Variants in FSTL5 observed in about 807,000 individuals in gnomAD.
FSTL5 encodes the protein follistatin like 5.
A neutral mutation model predicts 89.1 loss-of-function variants in FSTL5; 62 were observed. The observed-to-expected ratio is 0.70, with a 90% confidence interval of 0.57 to 0.86. The LOEUF is 0.86. Ranked by LOEUF, FSTL5 falls within the 40% of genes least tolerant of loss-of-function variation. The pLI is 0.00. For synonymous variants in FSTL5, 383 were observed against 346.2 expected, an observed-to-expected ratio of 1.11 and a Z score of -1.18; for missense variants, 1,057 against 1,001.6, an observed-to-expected ratio of 1.06 and a Z score of -0.75.
intron 3 of FSTL5, among the ~76,000 whole-genome samples, chr4:161,990,929 A>G (rs17041860): frequency 0.51 from 76,663 of 151,764 alleles, 19,452 homozygotes; most frequent in Middle Eastern, 0.6. Context: ...TGCTGTCTCC[A>G]CTCACCTGAA....
rs1454174499 is a variant in FSTL5, at chr4:161,752,270, TAGATG to T, written c.727+7136_727+7140del. Among the ~76,000 whole-genome samples, 76 of 151,616 alleles carry T rather than the reference TAGATG, an allele frequency of 5.0e-4. 2 individuals carry two copies. The highest frequency in any genetic ancestry group is 3.4e-3 in the Middle Eastern group (1 of 294). On this transcript the variant is annotated intron_variant, in intron 6 of 15. Transcript: ENST00000306100. ...ATAGATAGATAGATAGATAGATAGA[TAGATG>T]GAATGTTTCCAGCACCATAGATGAC... is the stretch of plus-strand genomic sequence containing the variant.
intron 4 of FSTL5, among the ~76,000 whole-genome samples, chr4:161,834,281 A>G (rs1197652428): frequency 6.6e-6 from 1 of 152,198 alleles, no homozygotes; most frequent in Non-Finnish European, 1.5e-5. Flanking sequence ...TCAATAAATT[A>G]GGTATTGATG....
intron 3 of FSTL5, among the ~76,000 whole-genome samples, chr4:161,969,388 A>G (rs1027899560): frequency 6.6e-6 from 1 of 152,206 alleles, no homozygotes; most frequent in Admixed American, 6.5e-5. Flanking sequence ...AAATTAAGAC[A>G]ATATAGGCGA....
intron 2 of FSTL5, among the ~76,000 whole-genome samples, chr4:162,080,384 G>A (rs1361619901): frequency 6.6e-6 from 1 of 151,396 alleles, no homozygotes; most frequent in East Asian, 2.0e-4. Context: ...GTTTTAAGAA[G>A]GAGTGTTCCT....
intron 4 of FSTL5, among the ~76,000 whole-genome samples, chr4:161,875,509 A>C (rs907223300): frequency 3.3e-5 from 5 of 152,224 alleles, no homozygotes; most frequent in Admixed American, 3.3e-4. Flanking sequence ...CATGAGATGA[A>C]CGTGAAGTGG....
intron 3 of FSTL5, among the ~76,000 whole-genome samples, chr4:161,927,884 C>A (rs1266090183): frequency 1.3e-5 from 2 of 151,528 alleles, no homozygotes; most frequent in Non-Finnish European, 3.0e-5. Flanking sequence ...ATGTTCACAG[C>A]CAAACTGAAT....
At chr4:161,934,863 C>T (rs185371551) in intron 3 of FSTL5, among the ~76,000 whole-genome samples, 2 of 151,998 alleles carry the variant, frequency 1.3e-5, no homozygotes, top group African/African-American at 2.4e-5. Context: ...TAAAAAACAA[C>T]CAAAGAAGTA....
At chr4:162,145,091 T>C (rs1732921109) in intron 1 of FSTL5, among the ~76,000 whole-genome samples, 1 of 114,198 alleles carries the variant, frequency 8.8e-6, no homozygotes, top group South Asian at 2.6e-4. Flanking sequence ...ATACATACAA[T>C]GAATATGTAA....
intron 1 of FSTL5, among the ~76,000 whole-genome samples, chr4:162,119,038 A>T (rs1223240993): frequency 6.6e-6 from 1 of 152,144 alleles, no homozygotes; most frequent in East Asian, 1.9e-4. Context: ...ACTGGGCAAT[A>T]TAGCAAGACC....
chr4:162,013,598 TG>T (rs1164651402), intron 3 of FSTL5, among the ~76,000 whole-genome samples: 1 of 152,166 alleles, frequency 6.6e-6, no homozygotes, highest in Non-Finnish European at 1.5e-5. Flanking sequence ...GGTCCTTTGT[TG>T]TTGTTCTAAG....
At chr4:161,751,506 G>C (rs1411277350) in intron 6 of FSTL5, among the ~76,000 whole-genome samples, 1 of 152,094 alleles carries the variant, frequency 6.6e-6, no homozygotes, top group Non-Finnish European at 1.5e-5. Flanking sequence ...TTTATAATCA[G>C]CCCTGGCACA....
At chr4:161,397,160 C>A (rs1440871687) in intron 15 of FSTL5, among the ~76,000 whole-genome samples, 1 of 151,930 alleles carries the variant, frequency 6.6e-6, no homozygotes, top group African/African-American at 2.4e-5. Flanking sequence ...TGTTCTAGGT[C>A]AAAAACACAA....
chr4:161,442,008 A>AACCAACTAATTTATAGTT (rs1194835669), intron 15 of FSTL5, among the ~76,000 whole-genome samples: 7 of 152,088 alleles, frequency 4.6e-5, no homozygotes, highest in African/African-American at 1.7e-4. Flanking sequence ...ACTTCAGCTT[A>AACCAACTAATTTATAGTT]ACCAACTAAT....
rs559888862 is a variant in FSTL5, at chr4:161,785,132, T to C, written c.410-9058A>G. On this transcript the variant is annotated intron_variant, in intron 4 of 15. Coordinates refer to ENST00000306100, the MANE Select transcript of FSTL5 (RefSeq NM_020116.5). ...CAATAATAGACTCAACATTCGACTT[T>C]ACGTGAAGATCTGAGGAACTTTTCA... Among the ~76,000 whole-genome samples, 126 of 152,274 alleles carry C rather than the reference T, an allele frequency of 8.3e-4. 3 individuals are homozygous for C. Among genetic ancestry groups the C allele is most frequent in the Middle Eastern group, 3.4e-3 (1 of 294 alleles).
At chr4:162,142,927 A>G (rs369384737) in intron 1 of FSTL5, among the ~76,000 whole-genome samples, 13 of 152,306 alleles carry the variant, frequency 8.5e-5, no homozygotes, top group African/African-American at 2.9e-4. Flanking sequence ...ATAATACCTA[A>G]TACATTGCTT....
At chr4:161,697,762 A>G (rs1738221235) in intron 6 of FSTL5, among the ~76,000 whole-genome samples, 1 of 152,150 alleles carries the variant, frequency 6.6e-6, no homozygotes, top group South Asian at 2.1e-4. Flanking sequence ...AAAGACAAAT[A>G]CCACATGTTC....
intron 8 of FSTL5, among the ~76,000 whole-genome samples, chr4:161,577,654 A>C (rs1049751791): frequency 6.6e-6 from 1 of 152,130 alleles, no homozygotes; most frequent in Non-Finnish European, 1.5e-5. Context: ...GAAAAGCATA[A>C]AGTAGAGAAC....
At chr4:161,788,715 G>A (rs1198981686) in intron 4 of FSTL5, among the ~76,000 whole-genome samples, 3 of 152,020 alleles carry the variant, frequency 2.0e-5, no homozygotes, top group Non-Finnish European at 4.4e-5. Flanking sequence ...GTGAGACCCC[G>A]CCCCTGTCTC....
intron 13 of FSTL5, among the ~76,000 whole-genome samples, chr4:161,472,257 G>A (rs928199425): frequency 1.3e-4 from 20 of 152,110 alleles, no homozygotes; most frequent in Admixed American, 2.6e-4. Flanking sequence ...AATTGCAGGC[G>A]TGAGCCACCG....
Sources: allele counts gnomAD v4.1 joint callset (sites outside exome capture counted in the v4.1 genomes callset), GRCh38; gene constraint gnomAD v4.1.1; transcripts MANE v1.5; gene names NCBI Gene and HGNC (gene_info 2026-07-23, HGNC 2026-07-21).